The following MTNAP1 variants were observed in gnomAD, a reference collection of about 807,000 sequenced individuals.
The protein encoded by MTNAP1 is mitochondrial nucleoid associated protein 1, also known as mitochondrial nucleoid-associated protein 1.
chr17:73,235,882 G>A, the MTNAP1 span: 9 of 1,614,074 alleles, frequency 5.6e-6, no homozygotes, highest in Non-Finnish European at 2.5e-6. Flanking sequence ...TACTTTCCAA[G>A]AAGAAACCAA....
chr17:73,238,723 A>T, the MTNAP1 span, among the ~76,000 whole-genome samples: 2 of 152,134 alleles, frequency 1.3e-5, no homozygotes, highest in South Asian at 4.1e-4. Flanking sequence ...AGGTGGGCAG[A>T]GTGAATTTAT....
At chr17:73,247,453 A>G in the MTNAP1 span, 9 of 1,043,844 alleles carry the variant, frequency 8.6e-6, no homozygotes, top group East Asian at 2.4e-5. Context: ...GCATTAAGGG[A>G]TAGCTTTTCA....
chr17:73,242,537 A>G, the MTNAP1 span, among the ~76,000 whole-genome samples: 14 of 152,192 alleles, frequency 9.2e-5, no homozygotes, highest in South Asian at 6.2e-4. Context: ...ACCAAAGCTA[A>G]TAACAGCTAC....
the MTNAP1 span, chr17:73,235,360 C>G: frequency 2.3e-6 from 2 of 876,260 alleles, no homozygotes; most frequent in Non-Finnish European, 3.4e-6. Flanking sequence ...TTGCTGTAAC[C>G]GTAAGTAGCA....
the MTNAP1 span, among the ~76,000 whole-genome samples, chr17:73,240,438 A>C: frequency 1.3e-5 from 2 of 152,354 alleles, no homozygotes; most frequent in Non-Finnish European, 2.9e-5. Flanking sequence ...GGATCAGGTC[A>C]AGCCCTGATC....
At chr17:73,235,834 C>T in the MTNAP1 span, 7 of 1,614,110 alleles carry the variant, frequency 4.3e-6, no homozygotes, top group Non-Finnish European at 5.9e-6. Flanking sequence ...TCCAATCCAA[C>T]CATCCTTCAA....
the MTNAP1 span, chr17:73,245,276 A>G: frequency 6.5e-7 from 1 of 1,529,834 alleles, no homozygotes; most frequent in South Asian, 1.3e-5. Flanking sequence ...CAGTTTAAAA[A>G]TGTATAATAT....
the MTNAP1 span, chr17:73,233,419 A>T: frequency 6.6e-6 from 1 of 152,272 alleles, no homozygotes; most frequent in Admixed American, 6.5e-5. Context: ...GGAGGCAGAA[A>T]CGTCTAGCAG....
the MTNAP1 span, chr17:73,242,870 A>G: frequency 6.3e-7 from 1 of 1,592,794 alleles, no homozygotes; most frequent in Non-Finnish European, 8.6e-7. Context: ...TTGCTGTAAC[A>G]ACAAGCCGTG....
chr17:73,234,120 T>A, the MTNAP1 span, among the ~76,000 whole-genome samples: 2 of 152,150 alleles, frequency 1.3e-5, no homozygotes, highest in Admixed American at 1.3e-4. Flanking sequence ...AAGAATTAAG[T>A]GAACAAATAT....
the MTNAP1 span, chr17:73,242,241 T>C: frequency 1.7e-5 from 26 of 1,569,520 alleles, no homozygotes; most frequent in Admixed American, 2.3e-4. Context: ...TTTGGAACCA[T>C]AGTTTCTTTG....
At chr17:73,238,202 G>A in the MTNAP1 span, among the ~76,000 whole-genome samples, 2 of 151,940 alleles carry the variant, frequency 1.3e-5, no homozygotes, top group Non-Finnish European at 2.9e-5. Context: ...CTTTAGTTAT[G>A]AGACCACCTC....
the MTNAP1 span, chr17:73,236,939 A>G: frequency 6.2e-7 from 1 of 1,611,316 alleles, no homozygotes; most frequent in Non-Finnish European, 8.5e-7. Flanking sequence ...CAGTGTTGGA[A>G]TGCAATGACC....
chr17:73,236,956 C>G, the MTNAP1 span: 1 of 1,602,458 alleles, frequency 6.2e-7, no homozygotes, highest in Non-Finnish European at 8.5e-7. Context: ...GACCCAGAAG[C>G]CACAACTTAT....
chr17:73,235,780 T>A, the MTNAP1 span: 2 of 1,614,146 alleles, frequency 1.2e-6, no homozygotes, highest in Admixed American at 3.3e-5. Context: ...AGCTGTTGGT[T>A]TGGAAAGAGC....
At chr17:73,245,042 A>T in the MTNAP1 span, 1 of 813,190 alleles carries the variant, frequency 1.2e-6, no homozygotes, top group Non-Finnish European at 2.0e-6. Flanking sequence ...CAAACTTCTC[A>T]TTGTGCTTAA....
chr17:73,242,837 G>C, the MTNAP1 span: 1 of 1,380,688 alleles, frequency 7.2e-7, no homozygotes, highest in Non-Finnish European at 1.0e-6. Flanking sequence ...TGAATGACTC[G>C]CGGATACTGG....
At chr17:73,235,973 G>GT in the MTNAP1 span, 1 of 1,614,232 alleles carries the variant, frequency 6.2e-7, no homozygotes, top group Non-Finnish European at 8.5e-7. Context: ...GAAAGTCGAT[G>GT]TAATCCTTCA....
chr17:73,248,777 G>A, the MTNAP1 span: 1 of 456,878 alleles, frequency 2.2e-6, no homozygotes, highest in East Asian at 3.5e-5. Flanking sequence ...GTTTAATCCT[G>A]AATAATATCT....
Sources: gnomAD v4.1 joint callset for allele counts (sites outside exome capture counted in the v4.1 genomes callset) on GRCh38, gnomAD v4.1.1 for gene constraint, MANE v1.5 for transcripts, NCBI Gene and HGNC (gene_info 2026-07-23, HGNC 2026-07-21) for gene names.